ATAD2: variants seen among roughly 807,000 people sequenced by gnomAD.
ATAD2 encodes the protein ATPase family AAA domain containing 2.
In ATAD2, 62 loss-of-function variants were observed where a neutral mutation model predicts 168.9. The ratio of observed to expected loss-of-function variants is 0.37; its 90% confidence interval spans 0.30 to 0.45. ATAD2 has a LOEUF of 0.45. Ranked by LOEUF, ATAD2 falls within the 20% of genes least tolerant of loss-of-function variation. ATAD2 has a pLI of 1.00. For synonymous variants in ATAD2, 613 were observed against 571.6 expected (o/e 1.07, Z -1.03); for missense variants, 1,419 against 1,667.8 (o/e 0.85, Z 2.60).
At chr8:123,389,222 C>T (rs562372794) in intron 1 of ATAD2, among the ~76,000 whole-genome samples, 14 of 147,940 alleles carry the variant, frequency 9.5e-5, no homozygotes, top group East Asian at 8.4e-4. Flanking sequence ...CTGATCCGCC[C>T]GCCTTGGCCT....
At chr8:123,331,301 G>T (rs961900811) in intron 24 of ATAD2, among the ~76,000 whole-genome samples, 82 of 152,184 alleles carry the variant, frequency 5.4e-4, no homozygotes, top group African/African-American at 2.0e-3. Context: ...GTGCAGTGAT[G>T]CAATCTGGCT....
Position 123,372,621 on chromosome 8 carries a change from C to A in ATAD2, c.370+16G>T. Reference sequence around the variant, plus strand: ...TTACACATTTTAAGATCTGAAATGACTTTAACAGTACTTACCTTCTCTGTG... The same window carrying A: ...TTACACATTTTAAGATCTGAAATGAATTTAACAGTACTTACCTTCTCTGTG... On this transcript the variant is annotated intron_variant, in intron 3 of 27. Coordinates refer to ENST00000287394, the MANE Select transcript of ATAD2 (RefSeq NM_014109.4). 6.4e-7 allele frequency: 1 copy of A among 1,555,880 alleles called. No homozygotes were observed. The highest frequency in any genetic ancestry group is 8.7e-7 in the Non-Finnish European group (1 of 1,151,190).
chr8:123,377,222 T>C (rs1188398653), intron 2 of ATAD2, among the ~76,000 whole-genome samples: 1 of 151,194 alleles, frequency 6.6e-6, no homozygotes, highest in Non-Finnish European at 1.5e-5. Flanking sequence ...TGAGCCATGA[T>C]CATGCCACTA....
Position 123,321,046 on chromosome 8 carries a change from G to A in ATAD2, c.*88C>T. On this transcript the variant is annotated 3_prime_UTR_variant, in exon 28 of 28. Coordinates refer to ENST00000287394, the MANE Select transcript of ATAD2 (RefSeq NM_014109.4). The stretch of plus-strand genomic sequence containing the variant: ...TTTTAATCTTTTCCTTAAAGATGCA[G>A]GGTTTCATACTACATCAATTAGGCG... 4.5e-6 allele frequency: 5 copies of A among 1,109,990 alleles called. No homozygotes were observed. Among genetic ancestry groups the A allele is most frequent in the Non-Finnish European group, 5.3e-6 (4 of 754,198 alleles). 68.8% of individuals were successfully genotyped at this position (1,109,990 alleles called of 1,614,324 possible). A position where few individuals can be genotyped will look rare whatever the true frequency, so the allele number is the denominator to read the frequency against.
rs566476321 is a variant in ATAD2, at chr8:123,377,953, T to C, written c.320+2576A>G. 1.1e-4 allele frequency among the ~76,000 whole-genome samples: 17 copies of C among 152,358 alleles called. No individual in the cohort carries two copies. The East Asian group carries it at 2.7e-3, about 24-fold the overall frequency. On this transcript the variant is annotated intron_variant, in intron 2 of 27. Coordinates refer to ENST00000287394, the MANE Select transcript of ATAD2 (RefSeq NM_014109.4). ...GGCAATTCTCTATAAGGTAACAATT[T>C]AGGGGTCCTAAAATGCTTATTTTTT...
intron 8 of ATAD2, among the ~76,000 whole-genome samples, chr8:123,362,079 T>C (rs1211531611): frequency 6.6e-6 from 1 of 152,136 alleles, no homozygotes; most frequent in Non-Finnish European, 1.5e-5. Flanking sequence ...AGCGGGACAT[T>C]GTCTCCACTA....
At chr8:123,379,780 G>A (rs990510285) in intron 2 of ATAD2, among the ~76,000 whole-genome samples, 14 of 151,254 alleles carry the variant, frequency 9.3e-5, no homozygotes, top group African/African-American at 2.9e-4. Context: ...ATATTGGCCC[G>A]GCTGGTCTCA....
At chr8:123,347,473 G>C (rs938134183) in intron 15 of ATAD2, 67 bp from the exon 16 acceptor site, 3 of 1,393,114 alleles carry the variant, frequency 2.2e-6, no homozygotes, top group African/African-American at 1.4e-5. Flanking sequence ...AACTCTATTA[G>C]CATGACCATG....
At chr8:123,339,892 GTTTTC>G (rs1316626087) in intron 19 of ATAD2, among the ~76,000 whole-genome samples, 2 of 150,964 alleles carry the variant, frequency 1.3e-5, no homozygotes, top group Non-Finnish European at 3.0e-5. Context: ...TACTTTTTTT[GTTTTC>G]TTTTTTTTTT....
intron 19 of ATAD2, 166 bp downstream of exon 19, chr8:123,344,718 T>C (rs1828180288): frequency 1.4e-6 from 1 of 719,014 alleles, no homozygotes; most frequent in African/African-American, 1.8e-5. Flanking sequence ...ATATACCATC[T>C]TGCCCAATGA....
At chr8:123,404,211 A>G (rs1813040997) in intron 1 of ATAD2, among the ~76,000 whole-genome samples, 1 of 152,156 alleles carries the variant, frequency 6.6e-6, no homozygotes, top group Non-Finnish European at 1.5e-5. Context: ...ATCAGCAACC[A>G]AAGTTATTCA....
chr8:123,385,733 A>G (rs1829628480), intron 1 of ATAD2, among the ~76,000 whole-genome samples: 3 of 152,140 alleles, frequency 2.0e-5, no homozygotes. Context: ...AATACGAAAA[A>G]AATCTGCAAA....
At position 123,339,302 on chromosome 8, in the gene ATAD2, G is replaced by A; in HGVS notation, c.2854+9C>T. On this transcript the variant is annotated intron_variant, in intron 20 of 27. Transcript: ENST00000287394. ...ATTATTAAATATTAACTTTGATATA[G>A]AAACTAACCTGCTTTCTTTTTTGAT... 1 of 1,526,538 alleles carries A rather than the reference G, an allele frequency of 6.6e-7. No individual in the cohort carries two copies. Among genetic ancestry groups the A allele is most frequent in the Non-Finnish European group, 8.9e-7 (1 of 1,129,766 alleles). The allele number at this position is 1,526,538 out of a possible 1,614,324, so 94.6% of individuals were successfully genotyped here.
At chr8:123,357,287 C>G (rs1193467538) in intron 12 of ATAD2, among the ~76,000 whole-genome samples, 1 of 152,196 alleles carries the variant, frequency 6.6e-6, no homozygotes, top group South Asian at 2.1e-4. Flanking sequence ...CTACTACTAT[C>G]TCTCTAAATA....
At chr8:123,408,662 G>A (rs4870851) in intron 1 of ATAD2, among the ~76,000 whole-genome samples, 102,550 of 151,806 alleles carry the variant, frequency 0.68, 35,167 homozygotes, top group East Asian at 0.97. Context: ...GATTACAGGC[G>A]CCTGCCACCA....
intron 1 of ATAD2, among the ~76,000 whole-genome samples, chr8:123,383,821 C>T (rs1455595890): frequency 2.0e-5 from 3 of 150,134 alleles, no homozygotes; most frequent in Non-Finnish European, 3.0e-5. Context: ...TGGTAGCTCA[C>T]GCCTGTAATC....
At chr8:123,415,614 A>G (rs1428403949) in intron 1 of ATAD2, among the ~76,000 whole-genome samples, 1 of 147,176 alleles carries the variant, frequency 6.8e-6, no homozygotes, top group Non-Finnish European at 1.5e-5. Context: ...TTTTTTTTTG[A>G]GACGGAGTCT....
At chr8:123,374,254 G>A (rs1319630771) in intron 2 of ATAD2, among the ~76,000 whole-genome samples, 1 of 152,190 alleles carries the variant, frequency 6.6e-6, no homozygotes, top group Non-Finnish European at 1.5e-5. Context: ...TCAAGAGCCT[G>A]AGGCAGGAGA....
chr8:123,329,406 C>A (rs769515042), intron 24 of ATAD2, among the ~76,000 whole-genome samples: 33 of 152,038 alleles, frequency 2.2e-4, no homozygotes, highest in Non-Finnish European at 3.2e-4. Flanking sequence ...AGGTGTATGC[C>A]ACTGCATCAA....
Sources: allele counts gnomAD v4.1 joint callset (sites outside exome capture counted in the v4.1 genomes callset), GRCh38; gene constraint gnomAD v4.1.1; transcripts MANE v1.5; gene names NCBI Gene and HGNC (gene_info 2026-07-23, HGNC 2026-07-21).